The following PCDHGA4 variants were observed in gnomAD, a reference collection of about 807,000 sequenced individuals.
PCDHGA4 encodes the protein protocadherin gamma subfamily A, 4, also known as protocadherin gamma-A4.
Under a neutral mutation model 54.6 loss-of-function variants are expected in PCDHGA4, and 38 were observed. The ratio of observed to expected loss-of-function variants is 0.70; its 90% confidence interval spans 0.54 to 0.91. The LOEUF is 0.91. Among genes scored for constraint, PCDHGA4 ranks in the 40% least tolerant of loss-of-function variants. PCDHGA4 has a pLI of 0.00. For missense variants in PCDHGA4, 1,298 were observed against 1,220.9 expected (o/e 1.06, Z -0.94); for synonymous variants, 511 against 512.9 (o/e 1.00, Z 0.05).
At chr5:141,365,237 A>G (rs765751985) in intron 1 of PCDHGA4, 2 of 1,613,962 alleles carry the variant, frequency 1.2e-6, no homozygotes, top group East Asian at 4.5e-5. Flanking sequence ...GGAAATCTCA[A>G]CTCTACAATC....
At chr5:141,360,645 C>A (rs1263942255) in intron 1 of PCDHGA4, 1 of 1,613,862 alleles carries the variant, frequency 6.2e-7, no homozygotes, top group Non-Finnish European at 8.5e-7. Context: ...TACAAAGATA[C>A]CACCTTAATG....
rs758216080 is a variant in PCDHGA4, at chr5:141,398,809, C to A, written c.2514+41188C>A. 1.3e-5 allele frequency: 21 copies of A among 1,613,854 alleles called. No individual in the cohort carries two copies. In the South Asian group the frequency reaches 2.1e-4, roughly 16 times the overall value. On this transcript the variant is annotated intron_variant, in intron 1 of 3. Coordinates refer to ENST00000571252, the MANE Select transcript of PCDHGA4 (RefSeq NM_018917.4). ...TCCACCCCTAAGCGGCACCACTGAG[C>A]TCCGGATCCAGGTAACCGACGCCAA...
At chr5:141,417,503 TAA>T in intron 1 of PCDHGA4, 1 of 229,962 alleles carries the variant, frequency 4.3e-6, no homozygotes, top group East Asian at 9.7e-5. Flanking sequence ...GGAAAAAGAT[TAA>T]AATATTTTGG....
rs915039012 is a variant in PCDHGA4 at position 141,372,538 on chromosome 5, T to A, written c.2514+14917T>A. The stretch of plus-strand genomic sequence containing the variant: ...GTGATTCTGGCAATCTCCCTGCGCC[T>A]GCGATGCTCCTCCAGACCCGCCACT... On this transcript the variant is annotated intron_variant, in intron 1 of 3. Coordinates refer to ENST00000571252, the MANE Select transcript of PCDHGA4 (RefSeq NM_018917.4). The A allele has an allele frequency of 1.9e-6, 3 of 1,613,928 alleles. No homozygotes were observed. The African/African-American group carries it at 4.0e-5, about 22-fold the overall frequency.
At chr5:141,429,091 T>A (rs985605582) in intron 1 of PCDHGA4, 2 of 152,160 alleles carry the variant, frequency 1.3e-5, no homozygotes, top group African/African-American at 4.8e-5. Flanking sequence ...CCTGACCTCG[T>A]GATCTGCCCG....
chr5:141,398,189 T>G (rs926901002), intron 1 of PCDHGA4: 3 of 1,482,238 alleles, frequency 2.0e-6, no homozygotes, highest in Middle Eastern at 2.3e-4. Context: ...TTTCTCTTCC[T>G]GCTGTCTTTG....
chr5:141,500,187 TATTTA>T (rs1467273493), intron 2 of PCDHGA4, among the ~76,000 whole-genome samples: 2 of 110,668 alleles, frequency 1.8e-5, no homozygotes, highest in Non-Finnish European at 3.6e-5. Flanking sequence ...TTTTTATTTT[TATTTA>T]TTTATTTATT....
chr5:141,375,025 TTA>T (rs778119379), intron 1 of PCDHGA4: 2 of 1,614,042 alleles, frequency 1.2e-6, no homozygotes, highest in East Asian at 4.5e-5. Flanking sequence ...ACTCGAGTTT[TTA>T]TGAGCTGGGT....
chr5:141,460,795 G>GTA (rs2154567069), intron 1 of PCDHGA4, among the ~76,000 whole-genome samples: 1 of 151,608 alleles, frequency 6.6e-6, no homozygotes, highest in East Asian at 1.9e-4. Flanking sequence ...TACACACAAA[G>GTA]TATATATATG....
chr5:141,489,267 C>A lies in PCDHGA4; in HGVS notation c.2515-5540C>A. On this transcript the variant is annotated intron_variant, in intron 1 of 3. Transcript: ENST00000571252. This position sits in a 1 kb window ranked among gnomAD's most constrained non-coding sequence, Gnocchi z 4.5. ...TGGGGCCCAAGACACTCCCACAGCT[C>A]GCTGGGAAATGGCAAGTGCTGTGCA... is the stretch of plus-strand genomic sequence containing the variant. 1 of 1,553,300 alleles carries A rather than the reference C, an allele frequency of 6.4e-7. No homozygotes were observed. The highest frequency in any genetic ancestry group is 8.7e-7 in the Non-Finnish European group (1 of 1,149,864).
intron 1 of PCDHGA4, chr5:141,419,616 A>G (rs1291494618): frequency 6.2e-7 from 1 of 1,612,086 alleles, no homozygotes; most frequent in African/African-American, 1.3e-5. Flanking sequence ...CAGCCAGGCT[A>G]CCTGGTGACC....
In PCDHGA4 at chr5:141,486,581, C is replaced by T; in HGVS notation, c.2515-8226C>T. 1 of 1,613,764 alleles carries T rather than the reference C, an allele frequency of 6.2e-7. No individual in the cohort carries two copies. The highest frequency in any genetic ancestry group is 1.1e-5 in the South Asian group (1 of 91,082). On this transcript the variant is annotated intron_variant, in intron 1 of 3. Coordinates refer to ENST00000571252, the MANE Select transcript of PCDHGA4 (RefSeq NM_018917.4). This position sits in a 1 kb window ranked among gnomAD's most constrained non-coding sequence, Gnocchi z 5.0. ...GGTGTTTGTTCCTGAGAACAATCGC[C>T]CAGGGGACCTGCTTTGCTCCCTTGC... is the stretch of plus-strand genomic sequence containing the variant.
At chr5:141,419,674 C>A (rs372932653) in intron 1 of PCDHGA4, 1 of 1,612,938 alleles carries the variant, frequency 6.2e-7, no homozygotes, top group Non-Finnish European at 8.5e-7. Flanking sequence ...CCTGGCTGTC[C>A]TACCACGTGG....
chr5:141,361,440 C>T, intron 1 of PCDHGA4: 1 of 1,614,042 alleles, frequency 6.2e-7, no homozygotes, highest in South Asian at 1.1e-5. Context: ...TCTCCTCCAG[C>T]ATAATTGTCA....
Position 141,382,839 on chromosome 5 carries a change from T to C in PCDHGA4, c.2514+25218T>C, listed in dbSNP as rs11575957. On this transcript the variant is annotated intron_variant, in intron 1 of 3. Coordinates refer to ENST00000571252, the MANE Select transcript of PCDHGA4 (RefSeq NM_018917.4). ...CCTAAGACAGAGGGGTCCACCCGGATACACCCGCATTCTGAAGCACTTCCC... is the reference window on the plus strand; with the variant it reads ...CCTAAGACAGAGGGGTCCACCCGGACACACCCGCATTCTGAAGCACTTCCC... The C allele has an allele frequency of 5.0e-3, 7,225 of 1,450,218 alleles. 38 individuals are homozygous for C. Among genetic ancestry groups the C allele is most frequent in the Admixed American group, 9.6e-3 (425 of 44,246 alleles). 89.8% of individuals were successfully genotyped at this position (1,450,218 alleles called of 1,614,324 possible).
At chr5:141,390,538 C>A in intron 1 of PCDHGA4, 1 of 518,310 alleles carries the variant, frequency 1.9e-6, no homozygotes, top group African/African-American at 1.9e-5. Flanking sequence ...GTTTTAACCA[C>A]AAAGTGAAAG....
rs549307445 is a variant in PCDHGA4, at chr5:141,400,703, G to T, written c.2514+43082G>T. On this transcript the variant is annotated intron_variant, in intron 1 of 3. Transcript: ENST00000571252. The stretch of plus-strand genomic sequence containing the variant: ...TTGTGAGTTTTTATGTCGCATAAAA[G>T]AAGTAGCCTTATAGATTTACAAAGT... 6 of 714,832 alleles carry T rather than the reference G, an allele frequency of 8.4e-6. No homozygotes were observed. In the Admixed American group the frequency reaches 1.4e-4, roughly 17 times the overall value. The allele number at this position is 714,832 out of a possible 1,614,324, so 44.3% of individuals were successfully genotyped here. A position where few individuals can be genotyped will look rare whatever the true frequency, so the allele number is the denominator to read the frequency against.
In PCDHGA4 at chr5:141,381,826, CTTTTTT is replaced by C. The variant is rs770630741; in HGVS notation, c.2514+24222_2514+24227del. 6.8e-3 allele frequency among the ~76,000 whole-genome samples: 507 copies of C among 74,296 alleles called. 2 individuals are homozygous for C. Among genetic ancestry groups the C allele is most frequent in the Non-Finnish European group, 8.2e-3 (349 of 42,396 alleles). 48.7% of individuals were successfully genotyped at this position (74,296 alleles called of 152,430 possible). On this transcript the variant is annotated intron_variant, in intron 1 of 3. Transcript: ENST00000571252. ...TTTCTTTCTTTCTTTCTTTCTTCTT[CTTTTTT>C]TTTTTTTTTTTTTTTTGGCAGAGTT... is the stretch of plus-strand genomic sequence containing the variant.
At chr5:141,388,612 G>T in intron 1 of PCDHGA4, 1 of 1,613,954 alleles carries the variant, frequency 6.2e-7, no homozygotes, top group Non-Finnish European at 8.5e-7. Flanking sequence ...CCAGTGTTCA[G>T]TCAAGACGTA....
Sources: allele counts gnomAD v4.1 joint callset (sites outside exome capture counted in the v4.1 genomes callset), GRCh38; gene constraint gnomAD v4.1.1; non-coding constraint Gnocchi (gnomAD v3.1); transcripts MANE v1.5; gene names NCBI Gene and HGNC (gene_info 2026-07-23, HGNC 2026-07-21).